ATP7B: variants seen among roughly 807,000 people sequenced by gnomAD.
ATP7B encodes the protein copper-transporting ATPase 2.
In ATP7B, 113 loss-of-function variants were observed where a neutral mutation model predicts 118.9. That is an observed-to-expected ratio of 0.95 (90% CI 0.82 to 1.11). The LOEUF is 1.11. Among genes scored for constraint, ATP7B ranks in the 50% most tolerant of loss-of-function variants. ATP7B has a pLI of 0.00. For synonymous variants in ATP7B, 777 were observed against 727.4 expected (o/e 1.07, Z -1.10); for missense variants, 1,867 against 1,871.4 (o/e 1.00, Z 0.04).
At chr13:51,984,413 T>C (rs191248778) in intron 1 of ATP7B, among the ~76,000 whole-genome samples, 299 of 152,200 alleles carry the variant, frequency 2.0e-3, no homozygotes, top group African/African-American at 7.0e-3. Context: ...TATAAGACTA[T>C]GTGAAAAGAC....
chr13:51,957,016 A>G (rs1172138282), intron 9 of ATP7B, among the ~76,000 whole-genome samples: 1 of 152,198 alleles, frequency 6.6e-6, no homozygotes, highest in African/African-American at 2.4e-5. Flanking sequence ...TGGTTAGATT[A>G]AATACAAAGA....
chr13:51,950,461 G>C (rs1462440215), intron 9 of ATP7B, 62 bp from the exon 10 acceptor site: 6 of 1,608,222 alleles, frequency 3.7e-6, no homozygotes, highest in Non-Finnish European at 5.1e-6. Flanking sequence ...TCAGGTTCTA[G>C]GCCAGCTGTT....
rs755079745 is a variant in ATP7B, at chr13:51,970,765, A to G, written c.1286-16T>C. On this transcript the variant is annotated splice_polypyrimidine_tract_variant and intron_variant, in intron 2 of 20. Transcript: ENST00000242839. ...GAACAGCTTTCTAGGATAAAATGTCAGAAAATATTCAAATTAGAAGAGCAA... is the reference window on the plus strand; with the variant it reads ...GAACAGCTTTCTAGGATAAAATGTCGGAAAATATTCAAATTAGAAGAGCAA... The G allele has an allele frequency of 6.2e-7, 1 of 1,612,472 alleles. No homozygotes were observed. Among genetic ancestry groups the G allele is most frequent in the South Asian group, 1.1e-5 (1 of 91,048 alleles).
At chr13:51,999,059 A>T (rs1449619447) in intron 1 of ATP7B, among the ~76,000 whole-genome samples, 1 of 152,204 alleles carries the variant, frequency 6.6e-6, no homozygotes, top group Non-Finnish European at 1.5e-5. Context: ...ACAGCCACCA[A>T]CAGTCAGGGC....
Position 51,975,123 on chromosome 13 carries a change from T to G in ATP7B, c.97A>C (p.Met33Leu). The change falls in exon 2 of 21, where the codon ATG becomes CTG. Residue 33 changes from methionine to leucine, a missense_variant. Transcript: ENST00000242839. ...TTGTCAAAAGCAAAACTCTTCTTCA[T>G]TGCTGGTTCCCAGGCACGGGTAGGC... ...SLPTRAWEPA[M>L]KKSFAFDNVG... The G allele has an allele frequency of 2.5e-6, 4 of 1,614,220 alleles. No individual in the cohort carries two copies. Among genetic ancestry groups the G allele is most frequent in the Non-Finnish European group, 3.4e-6 (4 of 1,180,032 alleles).
rs1370428330 is a variant in ATP7B, at chr13:51,974,801, G to A, written c.419C>T (p.Ala140Val). The A allele has an allele frequency of 5.6e-6, 9 of 1,614,076 alleles. No homozygotes were observed. The Admixed American group carries it at 1.3e-4, about 24-fold the overall frequency. The change falls in exon 2 of 21, where the codon GCC becomes GTC. Residue 140 changes from alanine (A) to valine (V), a missense_variant. Physicochemically the swap from Ala to Val is moderately conservative, Grantham distance 64. Transcript: ENST00000242839. ...CCGGAGCTTGACCACAGCCTCCTGG[G>A]CAGGCAAGGACCTTGAGGGCCAGGA... ...AASWPSRSLP[A>V]QEAVVKLRVE...
At position 51,949,716 on chromosome 13, in the gene ATP7B, C is replaced by A; in HGVS notation, c.2811G>T (p.Val937=). The part of the protein sequence containing the change: ...FIIIMSTLTL[V]VWIVIGFIDF... ...CGATAAAACCGATTACAATCCATAC[C>A]ACCAACGTCAAAGTTGACATGATGA... Residue 937 remains valine (V), a synonymous_variant, in exon 12 of 21, where the codon GTG becomes GTT. Transcript: ENST00000242839. 1 of 1,614,084 alleles carries A rather than the reference C, an allele frequency of 6.2e-7. No individual in the cohort carries two copies. The highest frequency in any genetic ancestry group is 8.5e-7 in the Non-Finnish European group (1 of 1,180,018).
chr13:51,958,136 T>C (rs1372654512), intron 8 of ATP7B, 175 bp downstream of exon 8: 2 of 710,166 alleles, frequency 2.8e-6, no homozygotes, highest in Non-Finnish European at 4.7e-6. Flanking sequence ...ATTTCAGAAG[T>C]AGTGACCAAT....
intron 1 of ATP7B, among the ~76,000 whole-genome samples, chr13:51,978,536 A>G (rs1469652307): frequency 6.6e-6 from 1 of 152,230 alleles, no homozygotes; most frequent in Non-Finnish European, 1.5e-5. Context: ...ATATTTGTTC[A>G]TGTGCAAAAC....
chr13:51,951,677 G>C (rs1958016410), intron 9 of ATP7B, among the ~76,000 whole-genome samples: 1 of 152,154 alleles, frequency 6.6e-6, no homozygotes. Context: ...AGTGACACAG[G>C]AGGAAAATGA....
At position 51,934,965 on chromosome 13, in the gene ATP7B, C is replaced by T. The variant is rs1220392640; in HGVS notation, c.4189G>A (p.Ala1397Thr). ...QAHGHMKPLTASQVSVHIGMD... is the reference protein window; with the variant it reads ...QAHGHMKPLTTSQVSVHIGMD... ...CCTATGTGCACACTGACCTGGGATGCCGTCAGGGGCTTCATGTGGCCATGC... is the reference window on the plus strand; with the variant it reads ...CCTATGTGCACACTGACCTGGGATGTCGTCAGGGGCTTCATGTGGCCATGC... Residue 1397 changes from alanine to threonine, a missense_variant, in exon 21 of 21, where the codon GCA becomes ACA. Coordinates refer to ENST00000242839, the MANE Select transcript of ATP7B (RefSeq NM_000053.4). 1 of 1,614,064 alleles carries T rather than the reference C, an allele frequency of 6.2e-7. No homozygotes were observed. The highest frequency in any genetic ancestry group is 8.5e-7 in the Non-Finnish European group (1 of 1,180,038).
intron 1 of ATP7B, among the ~76,000 whole-genome samples, chr13:51,981,907 T>C (rs1301855387): frequency 1.3e-5 from 2 of 152,118 alleles, no homozygotes; most frequent in African/African-American, 2.4e-5. Context: ...GTCCAACCCA[T>C]GGCCTGCAAG....
In ATP7B at chr13:51,941,108, G is replaced by A. The variant is rs1057516479; in HGVS notation, c.3529C>T (p.Gln1177Ter). ...TCAATAGCCACCAGGATGGCTGTCT[G>A]TCCTTTCATCTCGTGGTCTGTCATA... Reference protein sequence around the residue: ...DAMTDHEMKGQTAILVAIDGV... With the variant: ...DAMTDHEMKG The change falls in exon 16 of 21, where the codon CAG (glutamine) becomes TAG (stop). Residue 1177 changes from glutamine (Q) to a stop codon, truncating the protein, a stop_gained. Coordinates refer to ENST00000242839, the MANE Select transcript of ATP7B (RefSeq NM_000053.4). LOFTEE classifies it high-confidence loss of function. 2 of 1,614,226 alleles carry A rather than the reference G, an allele frequency of 1.2e-6. No homozygotes were observed. The highest frequency in any genetic ancestry group is 1.7e-6 in the Non-Finnish European group (2 of 1,180,034).
At position 51,964,892 on chromosome 13, in the gene ATP7B, C is replaced by A. The variant is rs1951465210; in HGVS notation, c.1849G>T (p.Asp617Tyr). The change falls in exon 5 of 21, where the codon GAT becomes TAT. Residue 617 changes from aspartate to tyrosine, a missense_variant. Asp to Tyr is a radical substitution (Grantham distance 160). Coordinates refer to ENST00000242839, the MANE Select transcript of ATP7B (RefSeq NM_000053.4). ...CTTACCTCAATAATTTTGATAATATCCCGTGGACCGATAATTTCCGGGTCA... is the reference window on the plus strand; with the variant it reads ...CTTACCTCAATAATTTTGATAATATACCGTGGACCGATAATTTCCGGGTCA... The part of the protein sequence containing the change: ...KFDPEIIGPR[D>Y]IIKIIEEIGF... The A allele has an allele frequency of 1.2e-6, 2 of 1,614,068 alleles. No individual in the cohort carries two copies. Among genetic ancestry groups the A allele is most frequent in the Non-Finnish European group, 1.7e-6 (2 of 1,180,010 alleles).
In ATP7B at chr13:51,974,783, T is replaced by C. The variant is rs762773504; in HGVS notation, c.437A>G (p.Lys146Arg). The C allele has an allele frequency of 1.7e-5, 27 of 1,614,062 alleles. No individual in the cohort carries two copies. Among genetic ancestry groups the C allele is most frequent in the Middle Eastern group, 1.6e-4 (1 of 6,084 alleles). ...RSLPAQEAVV[K>R]LRVEGMTCQS... ...GCAGGTCATGCCCTCCACCCGGAGCTTGACCACAGCCTCCTGGGCAGGCAA... is the reference window on the plus strand; with the variant it reads ...GCAGGTCATGCCCTCCACCCGGAGCCTGACCACAGCCTCCTGGGCAGGCAA... Residue 146 changes from lysine (K) to arginine (R), a missense_variant, in exon 2 of 21, where the codon AAG (lysine) becomes AGG (arginine). By Grantham distance (26) the Lys-to-Arg change is conservative (BLOSUM62 2). Transcript: ENST00000242839.
chr13:51,935,087 T>C, intron 20 of ATP7B, 58 bp from the exon 21 acceptor site: 3 of 1,600,374 alleles, frequency 1.9e-6, no homozygotes, highest in South Asian at 1.1e-5. Flanking sequence ...CTTTTTTTTT[T>C]TCTAAGCCTG....
intron 16 of ATP7B, 101 bp downstream of exon 16, chr13:51,940,980 T>C: frequency 2.6e-6 from 4 of 1,543,990 alleles, no homozygotes; most frequent in Non-Finnish European, 2.7e-6. Context: ...GGAAGGCTTT[T>C]GTTTGTCTTC....
At chr13:51,935,234 C>T (rs1252972087) in intron 20 of ATP7B, among the ~76,000 whole-genome samples, 1 of 152,222 alleles carries the variant, frequency 6.6e-6, no homozygotes, top group African/African-American at 2.4e-5. Flanking sequence ...ATGCCTTGCA[C>T]ATTGTAGGCT....
chr13:51,974,244 A>G lies in ATP7B; in HGVS notation c.976T>C (p.Ser326Pro), dbSNP rs1421178560. The change falls in exon 2 of 21, where the codon TCT becomes CCT. Residue 326 changes from serine (S) to proline (P), a missense_variant. By Grantham distance (74) the Ser-to-Pro change is moderately conservative. Transcript: ENST00000242839. ...CTCCCTTCGGCTCCATCAGGAAGAG[A>G]AACTTTAAAATTCCCAGGTGGAAGT... is the stretch of plus-strand genomic sequence containing the variant. Reference protein sequence around the residue: ...EALPPGNFKVSLPDGAEGSGT... With the variant: ...EALPPGNFKVPLPDGAEGSGT... 6.2e-7 allele frequency: 1 copy of G among 1,613,880 alleles called. No homozygotes were observed. The highest frequency in any genetic ancestry group is 1.3e-5 in the African/African-American group (1 of 74,866).
Sources: allele counts gnomAD v4.1 joint callset (sites outside exome capture counted in the v4.1 genomes callset), GRCh38; gene constraint gnomAD v4.1.1; transcripts MANE v1.5; gene names NCBI Gene and HGNC (gene_info 2026-07-23, HGNC 2026-07-21).